Variants in WNT2B observed in about 807,000 individuals in gnomAD.
WNT2B encodes Wnt family member 2B.
Under a neutral mutation model 40.5 loss-of-function variants are expected in WNT2B, and 19 were observed. The ratio of observed to expected loss-of-function variants is 0.47; its 90% CI spans 0.33 to 0.69. The LOEUF is 0.69. Among genes scored for constraint, WNT2B ranks in the 30% least tolerant of loss-of-function variants. The pLI, the probability that WNT2B is intolerant of heterozygous loss-of-function variation, is 0.02. For missense variants in WNT2B, 467 were observed against 556.4 expected (o/e 0.84, Z 1.62); for synonymous variants, 220 against 211.9 (o/e 1.04, Z -0.33).
chr1:112,471,410 G>C (rs60870389), intron 1 of WNT2B, among the ~76,000 whole-genome samples: 6,475 of 152,244 alleles, frequency 0.043, 469 homozygotes, highest in African/African-American at 0.15. Context: ...CTGTGCCTCA[G>C]GTATTTCCCA....
chr1:112,513,601 C>A (rs1652430010), intron 1 of WNT2B, among the ~76,000 whole-genome samples: 1 of 152,306 alleles, frequency 6.6e-6, no homozygotes, highest in East Asian at 1.9e-4. Context: ...CCCCTCCCCA[C>A]ACCAGCTGCC....
At chr1:112,488,900 G>T (rs1651507397) in intron 1 of WNT2B, among the ~76,000 whole-genome samples, 1 of 152,000 alleles carries the variant, frequency 6.6e-6, no homozygotes, top group Admixed American at 6.6e-5. Flanking sequence ...ATGTCACCCA[G>T]GCTGGTCTCC....
At chr1:112,479,506 A>G (rs1297071066) in intron 1 of WNT2B, among the ~76,000 whole-genome samples, 2 of 151,672 alleles carry the variant, frequency 1.3e-5, no homozygotes, top group African/African-American at 4.8e-5. Context: ...CCTGGGAGAC[A>G]GAAGTTGCAG....
upstream of WNT2B, chr1:112,508,790 G>A: frequency 1.0e-6 from 1 of 988,054 alleles, no homozygotes; most frequent in Non-Finnish European, 1.2e-6. The surrounding 1 kb of genome is among the most constrained non-coding windows in gnomAD (Gnocchi z 4.2). Context: ...GCAGGTGGGG[G>A]TGCAGCGCGG....
rs1320740660 is a variant in WNT2B at position 112,527,031 on chromosome 1, CCCT to C, written c.*6524_*6526del. 1 of 152,200 alleles carries C rather than the reference CCCT, an allele frequency of 6.6e-6. No individual in the cohort carries two copies. The highest frequency in any genetic ancestry group is 1.5e-5 in the Non-Finnish European group (1 of 68,050). 9.4% of individuals were successfully genotyped at this position (152,200 alleles called of 1,614,324 possible). On this transcript the variant is annotated 3_prime_UTR_variant, in exon 5 of 5. Transcript: ENST00000369684. ...TGATCAAACACTTGCTGCTCTCAACCCCTCTTTGTTTTCCCATCCAAAATCTGG... is the reference window on the plus strand; with the variant it reads ...TGATCAAACACTTGCTGCTCTCAACCCTTTGTTTTCCCATCCAAAATCTGG...
In WNT2B at chr1:112,509,137, T is replaced by C; in HGVS notation, c.-126T>C. 7.3e-7 allele frequency: 1 copy of C among 1,376,490 alleles called. No homozygotes were observed. Among genetic ancestry groups the C allele is most frequent in the Middle Eastern group, 2.7e-4 (1 of 3,746 alleles). 85.3% of individuals were successfully genotyped at this position (1,376,490 alleles called of 1,614,324 possible). On this transcript the variant is annotated 5_prime_UTR_variant, in exon 1 of 5. Transcript: ENST00000369684. This position sits in a 1 kb window ranked among gnomAD's most constrained non-coding sequence, Gnocchi z 4.2. ...CCGGGCTCTGGACCCCAGGTGATCC[T>C]AGGTCCCCAGCCGCCGGCGAACACC...
chr1:112,477,150 C>T (rs1651076195), intron 1 of WNT2B, among the ~76,000 whole-genome samples: 1 of 152,222 alleles, frequency 6.6e-6, no homozygotes, highest in African/African-American at 2.4e-5. Context: ...ATAATTTACC[C>T]TATACATGTC....
intron 1 of WNT2B, among the ~76,000 whole-genome samples, chr1:112,476,167 T>C (rs1330524860): frequency 3.9e-5 from 6 of 152,020 alleles, no homozygotes; most frequent in Non-Finnish European, 7.4e-5. Flanking sequence ...CCCTAAATAT[T>C]TGGAAAATAA....
rs555831979 is a variant in WNT2B at position 112,514,355 on chromosome 1, G to A, written c.183-519G>A. On this transcript the variant is annotated intron_variant, in intron 1 of 4. Coordinates refer to ENST00000369684, the MANE Select transcript of WNT2B (RefSeq NM_024494.3). ...CACGGGTCTGACTAGAGCTGTAAACGTTACTCAGATTGCTCACTATGTCTC... is the reference window on the plus strand; with the variant it reads ...CACGGGTCTGACTAGAGCTGTAAACATTACTCAGATTGCTCACTATGTCTC... 3.3e-5 allele frequency among the ~76,000 whole-genome samples: 5 copies of A among 152,214 alleles called. No individual in the cohort carries two copies. In the South Asian group the frequency reaches 6.2e-4, roughly 19 times the overall value.
In WNT2B at chr1:112,522,011, G is replaced by T. The variant is rs1295596227; in HGVS notation, c.*1502G>T. Reference sequence around the variant, plus strand: ...TTTCTCATCTGTAAAATGAGGATACGTACCTGTTCTTTTTTTTCTTTCTTT... The same window carrying T: ...TTTCTCATCTGTAAAATGAGGATACTTACCTGTTCTTTTTTTTCTTTCTTT... On this transcript the variant is annotated 3_prime_UTR_variant, in exon 5 of 5. Transcript: ENST00000369684. The T allele has an allele frequency of 2.6e-5, 4 of 152,064 alleles. No individual in the cohort carries two copies. The highest frequency in any genetic ancestry group is 4.8e-5 in the African/African-American group (2 of 41,410). The allele number at this position is 152,064 out of a possible 1,614,324, so 9.4% of individuals were successfully genotyped here. A position where few individuals can be genotyped will look rare whatever the true frequency, so the allele number is the denominator to read the frequency against.
chr1:112,496,605 G>GC (rs1651779271), intron 1 of WNT2B, among the ~76,000 whole-genome samples: 2 of 145,530 alleles, frequency 1.4e-5, no homozygotes, highest in Non-Finnish European at 3.0e-5. Context: ...TTTCTTTTTT[G>GC]TTTTTTTTTT....
intron 1 of WNT2B, among the ~76,000 whole-genome samples, chr1:112,483,575 T>A (rs1651300077): frequency 6.6e-6 from 1 of 151,994 alleles, no homozygotes; most frequent in South Asian, 2.1e-4. Context: ...GGAAATGATT[T>A]TTTTTTTGAT....
chr1:112,504,842 G>A (rs1652064500), upstream of WNT2B, among the ~76,000 whole-genome samples: 1 of 151,990 alleles, frequency 6.6e-6, no homozygotes, highest in Non-Finnish European at 1.5e-5. Flanking sequence ...CACCCACCGG[G>A]AAAAAGAGAA....
At chr1:112,510,066 C>T (rs1468667484) in intron 1 of WNT2B, among the ~76,000 whole-genome samples, 3 of 152,136 alleles carry the variant, frequency 2.0e-5, no homozygotes, top group African/African-American at 7.2e-5. Flanking sequence ...TGCCTCCCTC[C>T]CTTCTTCCTA....
In WNT2B at chr1:112,477,701, A is replaced by G. The variant is rs1651094159; in HGVS notation, c.-95+10110A>G. Among the ~76,000 whole-genome samples the G allele has an allele frequency of 2.0e-5, 3 of 152,212 alleles. No homozygotes were observed. The South Asian group carries it at 6.2e-4, about 31-fold the overall frequency. On this transcript the variant is annotated intron_variant, in intron 1 of 4. Transcript: ENST00000256640. ...GATAGAAATCATTTTAAAATAACCA[A>G]ACAAATTATGGAGTTGAAGAATACA...
In WNT2B at chr1:112,491,027, G is replaced by A. The variant is rs762577452; in HGVS notation, c.-95+23436G>A. 4.3e-6 allele frequency: 7 copies of A among 1,613,972 alleles called. No homozygotes were observed. In the African/African-American group the frequency reaches 8.0e-5, roughly 18 times the overall value. Reference sequence around the variant, plus strand: ...TCCGACCAGACTGAAGGATCCTTGAGGACGGCAGTACCTGGCATACCTACA... The same window carrying A: ...TCCGACCAGACTGAAGGATCCTTGAAGACGGCAGTACCTGGCATACCTACA... On this transcript the variant is annotated intron_variant, in intron 1 of 4. Coordinates refer to the WNT2B transcript ENST00000256640.
chr1:112,494,178 C>T (rs1352175877), intron 1 of WNT2B, among the ~76,000 whole-genome samples: 3 of 150,902 alleles, frequency 2.0e-5, no homozygotes, highest in Admixed American at 6.6e-5. Flanking sequence ...TGCTTGGTGG[C>T]GTGCGCCTGT....
intron 4 of WNT2B, among the ~76,000 whole-genome samples, chr1:112,519,908 C>G (rs912140733): frequency 2.3e-5 from 3 of 131,848 alleles, no homozygotes; most frequent in African/African-American, 8.4e-5. Flanking sequence ...CAGAGTTTCA[C>G]TGTCACCCAG....
chr1:112,529,812 G>A lies in WNT2B; in HGVS notation c.*9303G>A, dbSNP rs1654081360. On this transcript the variant is annotated 3_prime_UTR_variant, in exon 5 of 5. Coordinates refer to ENST00000369684, the MANE Select transcript of WNT2B (RefSeq NM_024494.3). ...TTATTTTCAACCAAGTTCTATGGAGGTGGTACCTTCACAGGAGCTCAGTGG... is the reference window on the plus strand; with the variant it reads ...TTATTTTCAACCAAGTTCTATGGAGATGGTACCTTCACAGGAGCTCAGTGG... The A allele has an allele frequency of 6.6e-6, 1 of 151,540 alleles. No homozygotes were observed. The highest frequency in any genetic ancestry group is 1.5e-5 in the Non-Finnish European group (1 of 67,926). 9.4% of individuals were successfully genotyped at this position (151,540 alleles called of 1,614,324 possible).
Sources: allele counts gnomAD v4.1 joint callset (sites outside exome capture counted in the v4.1 genomes callset), GRCh38; gene constraint gnomAD v4.1.1; non-coding constraint Gnocchi (gnomAD v3.1); transcripts MANE v1.5; gene names NCBI Gene and HGNC (gene_info 2026-07-23, HGNC 2026-07-21).